The following STARD13 variants were observed in gnomAD, a reference collection of about 807,000 sequenced individuals.
STARD13 encodes the protein StAR related lipid transfer domain containing 13.
A neutral mutation model predicts 106.4 loss-of-function variants in STARD13; 62 were observed. The ratio of observed to expected loss-of-function variants is 0.58; its 90% CI spans 0.48 to 0.72. STARD13 has a LOEUF of 0.72. Ranked by LOEUF, STARD13 falls within the 30% of genes least tolerant of loss-of-function variation. STARD13 has a pLI of 0.00. For missense variants in STARD13, 1,387 were observed against 1,424.0 expected (o/e 0.97, Z 0.42); for synonymous variants, 565 against 553.0 (o/e 1.02, Z -0.31).
the STARD13 span, among the ~76,000 whole-genome samples, chr13:33,435,255 C>A: frequency 1.2e-4 from 18 of 152,110 alleles, no homozygotes; most frequent in Non-Finnish European, 2.5e-4. Flanking sequence ...AATTCCACTG[C>A]GAGAGGTAGG....
the STARD13 span, among the ~76,000 whole-genome samples, chr13:33,535,247 TTTC>T: frequency 3.9e-5 from 6 of 152,080 alleles, no homozygotes; most frequent in Non-Finnish European, 7.4e-5. Flanking sequence ...CCAAATGGGT[TTTC>T]TTCATTACAT....
chr13:33,130,926 C>T lies in STARD13; in HGVS notation c.388-637G>A, dbSNP rs1258247802. ...CTATTTGTGATCCAATCCGGCTACTCTGCATGAGCGTCTTTTTCTGTGGAA... is the reference window on the plus strand; with the variant it reads ...CTATTTGTGATCCAATCCGGCTACTTTGCATGAGCGTCTTTTTCTGTGGAA... On this transcript the variant is annotated intron_variant, in intron 4 of 13. Coordinates refer to ENST00000336934, the MANE Select transcript of STARD13 (RefSeq NM_178006.4). The surrounding 1 kb of genome is among the most constrained non-coding windows in gnomAD (Gnocchi z 4.1). 6.6e-6 allele frequency among the ~76,000 whole-genome samples: 1 copy of T among 152,240 alleles called. No individual in the cohort carries two copies. Among genetic ancestry groups the T allele is most frequent in the Admixed American group, 6.5e-5 (1 of 15,290 alleles).
At chr13:33,421,997 T>C in the STARD13 span, among the ~76,000 whole-genome samples, 1 of 151,496 alleles carries the variant, frequency 6.6e-6, no homozygotes, top group Non-Finnish European at 1.5e-5. Flanking sequence ...TCATACTGAA[T>C]GGGAAAAAAC....
chr13:33,458,764 ATTCT>A, the STARD13 span, among the ~76,000 whole-genome samples: 2 of 149,704 alleles, frequency 1.3e-5, no homozygotes, highest in African/African-American at 4.9e-5. Flanking sequence ...TTCAGACCCC[ATTCT>A]TCCTCTGGGC....
chr13:33,274,092 C>CTTTTTTT (rs3028471), intron 1 of STARD13: 1 of 148,730 alleles, frequency 6.7e-6, no homozygotes. Context: ...ATCAGTCTGT[C>CTTTTTTT]TTTTTTTTTT....
At chr13:33,201,957 T>G (rs1270702058) in intron 1 of STARD13, among the ~76,000 whole-genome samples, 1 of 152,100 alleles carries the variant, frequency 6.6e-6, no homozygotes, top group Non-Finnish European at 1.5e-5. Context: ...TATTTGCCAT[T>G]TTTCATATTA....
chr13:33,625,783 C>A, the STARD13 span, among the ~76,000 whole-genome samples: 1 of 151,716 alleles, frequency 6.6e-6, no homozygotes, highest in African/African-American at 2.4e-5. Flanking sequence ...CTCACTGCAA[C>A]CTCCACCTCC....
At chr13:33,278,905 T>C (rs189640485) in intron 1 of STARD13, among the ~76,000 whole-genome samples, 82 of 152,316 alleles carry the variant, frequency 5.4e-4, no homozygotes, top group African/African-American at 1.6e-3. Flanking sequence ...CTTCTATAAA[T>C]GACCTCAAAT....
chr13:33,619,875 C>T, the STARD13 span, among the ~76,000 whole-genome samples: 7 of 152,116 alleles, frequency 4.6e-5, no homozygotes, highest in South Asian at 4.2e-4. Flanking sequence ...CAAGCCTGGC[C>T]GACATGGTGA....
At chr13:33,303,029 C>T (rs1892777332) in intron 1 of STARD13, among the ~76,000 whole-genome samples, 1 of 152,024 alleles carries the variant, frequency 6.6e-6, no homozygotes, top group Non-Finnish European at 1.5e-5. Flanking sequence ...AAGGAGAGTC[C>T]ACCCCTGCTC....
At chr13:33,658,525 C>A in the STARD13 span, among the ~76,000 whole-genome samples, 2,155 of 152,330 alleles carry the variant, frequency 0.014, 22 homozygotes, top group Middle Eastern at 0.044. Flanking sequence ...AGTTAAATCA[C>A]TTGTCAATTT....
At chr13:33,664,028 G>C in the STARD13 span, among the ~76,000 whole-genome samples, 3 of 152,172 alleles carry the variant, frequency 2.0e-5, no homozygotes, top group Admixed American at 2.0e-4. Context: ...AGGGAGGAAC[G>C]CAAGCTGGGT....
the STARD13 span, among the ~76,000 whole-genome samples, chr13:33,591,976 G>C: frequency 1.3e-5 from 2 of 152,140 alleles, no homozygotes; most frequent in Non-Finnish European, 1.5e-5. Context: ...TTAGAGGCTT[G>C]TATGCCCGCA....
At chr13:33,143,768 G>T (rs1880159950) in intron 3 of STARD13, among the ~76,000 whole-genome samples, 1 of 151,964 alleles carries the variant, frequency 6.6e-6, no homozygotes, top group Non-Finnish European at 1.5e-5. Flanking sequence ...GGCCAGGATG[G>T]TCTCGATCTC....
In STARD13 at chr13:33,167,551, CCTCATATAACTGAG is replaced by C; in HGVS notation, c.227_240del (p.Ala76GlyfsTer14). ...AGAGCGAAGCGAAGGGCTGACGTAC[CCTCATATAACTGAG>C]CGTATTGCGGGAACCCGGCAGCACG... is the stretch of plus-strand genomic sequence containing the variant. On this transcript the variant is annotated frameshift_variant and splice_region_variant, in exon 2 of 14. Coordinates refer to ENST00000336934, the MANE Select transcript of STARD13 (RefSeq NM_178006.4). LOFTEE classifies it high-confidence loss of function. 6.2e-7 allele frequency: 1 copy of C among 1,613,860 alleles called. No homozygotes were observed.
intron 7 of STARD13, among the ~76,000 whole-genome samples, chr13:33,122,618 T>C (rs1593887563): frequency 6.6e-6 from 1 of 152,356 alleles, no homozygotes; most frequent in African/African-American, 2.4e-5. Context: ...CCATCAGCAA[T>C]GCAGAGTTCA....
chr13:33,141,280 T>C (rs1879794380), intron 4 of STARD13, among the ~76,000 whole-genome samples: 1 of 152,196 alleles, frequency 6.6e-6, no homozygotes, highest in Non-Finnish European at 1.5e-5. Flanking sequence ...GAAACCCTGC[T>C]CCGCCGCTAG....
At chr13:33,445,733 T>G in the STARD13 span, among the ~76,000 whole-genome samples, 5 of 152,046 alleles carry the variant, frequency 3.3e-5, no homozygotes, top group African/African-American at 1.2e-4. Flanking sequence ...AATTTGTATA[T>G]AGAGAGATCA....
chr13:33,215,357 A>G (rs1594117659), intron 1 of STARD13, among the ~76,000 whole-genome samples: 1 of 152,250 alleles, frequency 6.6e-6, no homozygotes, highest in East Asian at 1.9e-4. Context: ...AAAACAAAGC[A>G]AAAACAGTGA....
Sources: allele counts gnomAD v4.1 joint callset (sites outside exome capture counted in the v4.1 genomes callset), GRCh38; gene constraint gnomAD v4.1.1; non-coding constraint Gnocchi (gnomAD v3.1); transcripts MANE v1.5; gene names NCBI Gene and HGNC (gene_info 2026-07-23, HGNC 2026-07-21).